DAB1: variants seen among roughly 807,000 people sequenced by gnomAD.
DAB1 encodes the protein DAB adaptor protein 1, also known as disabled homolog 1.
DAB1 carries 15 observed loss-of-function variants against 64.6 expected under a neutral mutation model. The observed-to-expected ratio is 0.23, with a 90% CI of 0.16 to 0.36. The LOEUF is 0.36. Among genes scored for constraint, DAB1 ranks in the 10% least tolerant of loss-of-function variants. DAB1 has a pLI of 1.00. For missense variants in DAB1, 596 were observed against 706.7 expected (o/e 0.84, Z 1.78); for synonymous variants, 235 against 251.9 (o/e 0.93, Z 0.64).
intron 4 of DAB1, among the ~76,000 whole-genome samples, chr1:58,195,152 CAGAGA>C (rs1657605619): frequency 7.4e-6 from 1 of 135,332 alleles, no homozygotes; most frequent in East Asian, 2.4e-4. Context: ...GACAGAGAGA[CAGAGA>C]GAGACAGAGA....
At chr1:57,750,301 C>T (rs1648494335) in intron 6 of DAB1, among the ~76,000 whole-genome samples, 1 of 152,150 alleles carries the variant, frequency 6.6e-6, no homozygotes, top group Admixed American at 6.5e-5. Flanking sequence ...TATTTCTAAC[C>T]ATTCAGTATG....
chr1:57,937,903 G>T (rs564666194), intron 5 of DAB1, among the ~76,000 whole-genome samples: 1 of 152,308 alleles, frequency 6.6e-6, no homozygotes, highest in South Asian at 2.1e-4. Flanking sequence ...GGCCCTAGCT[G>T]CCGGCATGCC....
intron 2 of DAB1, among the ~76,000 whole-genome samples, chr1:57,183,342 T>A (rs140427504): frequency 2.0e-4 from 31 of 152,218 alleles, no homozygotes; most frequent in African/African-American, 7.0e-4. Context: ...CAAAACCCTG[T>A]AGAGATGGAG....
At chr1:57,572,931 C>A (rs1010915911) in intron 7 of DAB1, among the ~76,000 whole-genome samples, 11 of 152,128 alleles carry the variant, frequency 7.2e-5, no homozygotes, top group African/African-American at 2.7e-4. Flanking sequence ...GACTCACTAT[C>A]TTGAAGACAG....
chr1:58,033,020 G>T (rs1646992529), intron 5 of DAB1, among the ~76,000 whole-genome samples: 1 of 152,140 alleles, frequency 6.6e-6, no homozygotes, highest in Non-Finnish European at 1.5e-5. Context: ...CTCTGGAATG[G>T]GCGTGCCTGG....
chr1:58,263,701 A>T (rs1661100034), intron 4 of DAB1, among the ~76,000 whole-genome samples: 1 of 152,164 alleles, frequency 6.6e-6, no homozygotes, highest in Admixed American at 6.5e-5. Flanking sequence ...TAAAAGAATG[A>T]CTGACCATAC....
chr1:58,541,614 C>CAAAAAAAAAAAAAAAAAAAAAAAAAAAA (rs60360589), intron 1 of DAB1: 2 of 65,634 alleles, frequency 3.0e-5, no homozygotes, highest in African/African-American at 1.2e-4. Context: ...GAGAACCTGT[C>CAAAAAAAAAAAAAAAAAAAAAAAAAAAA]AAAAAAAAAA....
At chr1:57,601,606 A>T (rs191690617) in intron 7 of DAB1, among the ~76,000 whole-genome samples, 5 of 152,134 alleles carry the variant, frequency 3.3e-5, no homozygotes, top group Non-Finnish European at 5.9e-5. Flanking sequence ...ATAATTAATT[A>T]GTTAAAAAAA....
rs1467246365 is a variant in DAB1, at chr1:57,138,235, A to G, written c.208-1594T>C. Among the ~76,000 whole-genome samples the G allele has an allele frequency of 1.2e-4, 19 of 152,112 alleles. 1 individual carries two copies. Among genetic ancestry groups the G allele is most frequent in the Admixed American group, 1.1e-3 (17 of 15,262 alleles). Reference sequence around the variant, plus strand: ...CTCACAGACATGCAGAATGTATAGCACCACAGAAAACCTTAAAACTAATAG... The same window carrying G: ...CTCACAGACATGCAGAATGTATAGCGCCACAGAAAACCTTAAAACTAATAG... On this transcript the variant is annotated intron_variant, in intron 3 of 14. Transcript: ENST00000371236.
chr1:58,181,776 C>A (rs1444758177), intron 4 of DAB1, among the ~76,000 whole-genome samples: 1 of 150,930 alleles, frequency 6.6e-6, no homozygotes, highest in South Asian at 2.1e-4. Context: ...ATGTTATAAG[C>A]CCAACAATAG....
intron 5 of DAB1, among the ~76,000 whole-genome samples, chr1:57,889,667 G>A (rs1644276990): frequency 1.3e-5 from 2 of 152,174 alleles, no homozygotes; most frequent in South Asian, 2.1e-4. Flanking sequence ...GGGAGCTATG[G>A]ACAGGCCTCT....
chr1:57,685,127 T>C (rs1161982549), intron 6 of DAB1, among the ~76,000 whole-genome samples: 1 of 151,802 alleles, frequency 6.6e-6, no homozygotes, highest in East Asian at 1.9e-4. Flanking sequence ...TACTTTTTTC[T>C]ATTTTTAGTA....
chr1:58,189,268 G>A (rs1028195882), intron 4 of DAB1, among the ~76,000 whole-genome samples: 2 of 152,226 alleles, frequency 1.3e-5, no homozygotes, highest in African/African-American at 4.8e-5. Context: ...TCCTTCAGCT[G>A]TTCCAATGCA....
At chr1:58,286,702 ACTT>A (rs1448605181) in intron 4 of DAB1, among the ~76,000 whole-genome samples, 3 of 152,220 alleles carry the variant, frequency 2.0e-5, no homozygotes, top group Admixed American at 2.0e-4. Context: ...AAATAGGAAT[ACTT>A]CTACACTGTT....
At chr1:57,024,165 G>C (rs1646710184) in intron 10 of DAB1, among the ~76,000 whole-genome samples, 1 of 152,006 alleles carries the variant, frequency 6.6e-6, no homozygotes, top group South Asian at 2.1e-4. Flanking sequence ...CTTGTATCCT[G>C]GTGCCCCCCC....
chr1:58,021,067 A>G (rs534829028), intron 5 of DAB1, among the ~76,000 whole-genome samples: 149 of 152,332 alleles, frequency 9.8e-4, no homozygotes, highest in African/African-American at 3.3e-3. Context: ...AATTATGTCA[A>G]CCAATGAAAG....
intron 7 of DAB1, among the ~76,000 whole-genome samples, chr1:57,633,422 C>T (rs1646015191): frequency 6.6e-6 from 1 of 152,166 alleles, no homozygotes; most frequent in South Asian, 2.1e-4. Flanking sequence ...AACCTGGGAC[C>T]ACACTGAGAA....
At chr1:57,882,043 T>C (rs1357026520) in intron 1 of DAB1, among the ~76,000 whole-genome samples, 3 of 152,166 alleles carry the variant, frequency 2.0e-5, no homozygotes, top group Admixed American at 6.5e-5. Flanking sequence ...AGAGCGTTCT[T>C]TGATAAAGGT....
upstream of DAB1, among the ~76,000 whole-genome samples, chr1:57,887,556 G>T (rs1184147753): frequency 1.3e-5 from 2 of 152,326 alleles, no homozygotes; most frequent in East Asian, 3.9e-4. Flanking sequence ...GGAAGTAGTT[G>T]CATTCCTATC....
Sources: gnomAD v4.1 joint callset for allele counts (sites outside exome capture counted in the v4.1 genomes callset) on GRCh38, gnomAD v4.1.1 for gene constraint, MANE v1.5 for transcripts, NCBI Gene and HGNC (gene_info 2026-07-23, HGNC 2026-07-21) for gene names.